Variants in THSD7B observed in about 807,000 individuals in gnomAD.
The protein encoded by THSD7B is thrombospondin type-1 domain-containing protein 7B.
THSD7B carries 138 observed loss-of-function variants against 213.6 expected under a neutral mutation model. That is an observed-to-expected ratio of 0.65 (90% confidence interval 0.56 to 0.74). The LOEUF (loss-of-function observed/expected upper bound fraction) is 0.74. Among genes scored for constraint, THSD7B ranks in the 30% least tolerant of loss-of-function variants. The pLI is 0.00. For missense variants in THSD7B, 1,931 were observed against 1,991.5 expected, an observed-to-expected ratio of 0.97 and a Z score of 0.58; for synonymous variants, 742 against 687.0, an observed-to-expected ratio of 1.08 and a Z score of -1.25.
intron 3 of THSD7B, among the ~76,000 whole-genome samples, chr2:137,069,394 A>C (rs953378052): frequency 1.3e-5 from 2 of 151,998 alleles, no homozygotes; most frequent in Non-Finnish European, 2.9e-5. Flanking sequence ...GACTAGGAAG[A>C]CTGTTTATAT....
At chr2:137,237,221 C>T (rs374055067) in intron 9 of THSD7B, among the ~76,000 whole-genome samples, 2 of 151,738 alleles carry the variant, frequency 1.3e-5, no homozygotes, top group African/African-American at 2.4e-5. Flanking sequence ...AAATGGAATT[C>T]GTTCCCTTTT....
chr2:137,394,091 T>A (rs1446381362), intron 12 of THSD7B, among the ~76,000 whole-genome samples: 3 of 124,174 alleles, frequency 2.4e-5, no homozygotes, highest in African/African-American at 8.8e-5. Context: ...GTTGTGAAAA[T>A]TTTCTCCCAT....
chr2:136,827,478 T>C (rs1416103904), intron 1 of THSD7B, among the ~76,000 whole-genome samples: 1 of 152,142 alleles, frequency 6.6e-6, no homozygotes, highest in East Asian at 1.9e-4. Flanking sequence ...AGCAGTGTCT[T>C]ATTTGAGGAA....
At chr2:137,141,785 C>T (rs1294350507) in intron 5 of THSD7B, among the ~76,000 whole-genome samples, 1 of 151,964 alleles carries the variant, frequency 6.6e-6, no homozygotes, top group Non-Finnish European at 1.5e-5. Flanking sequence ...AGTGATAAAA[C>T]ACTCCTTCCC....
In THSD7B at chr2:137,620,714, T is replaced by C; in HGVS notation, c.3787T>C (p.Cys1263Arg). 1 of 1,613,346 alleles carries C rather than the reference T, an allele frequency of 6.2e-7. No individual in the cohort carries two copies. The highest frequency in any genetic ancestry group is 8.5e-7 in the Non-Finnish European group (1 of 1,179,398). The part of the protein sequence containing the change: ...WTAWTECSQT[C>R]GHGGRMSRTR... ...GGCTTGGACAGAGTGTTCACAGACC[T>C]GTGGCCATGGAGGTATTGGTTTCCC... is the stretch of plus-strand genomic sequence containing the variant. The change falls in exon 20 of 28, where the codon TGT (cysteine) becomes CGT (arginine). Residue 1263 changes from cysteine to arginine, a missense_variant. Coordinates refer to ENST00000409968, the MANE Select transcript of THSD7B (RefSeq NM_001316349.2).
chr2:137,398,413 A>T (rs1295350214), intron 12 of THSD7B, among the ~76,000 whole-genome samples: 2 of 149,272 alleles, frequency 1.3e-5, no homozygotes, highest in East Asian at 4.0e-4. Flanking sequence ...GTCTGTTGGA[A>T]TACCCTGCTG....
At chr2:137,212,200 A>T (rs1426152392) in intron 7 of THSD7B, among the ~76,000 whole-genome samples, 1 of 151,904 alleles carries the variant, frequency 6.6e-6, no homozygotes, top group Non-Finnish European at 1.5e-5. Flanking sequence ...CTTACATTAG[A>T]TTCTGGTCGG....
intron 2 of THSD7B, among the ~76,000 whole-genome samples, chr2:136,897,636 C>T (rs1683984369): frequency 6.6e-6 from 1 of 152,240 alleles, no homozygotes; most frequent in African/African-American, 2.4e-5. Context: ...GCTGCGGGCT[C>T]AGGTGGCCAG....
chr2:137,333,670 G>A (rs529693281), intron 12 of THSD7B, among the ~76,000 whole-genome samples: 1 of 152,274 alleles, frequency 6.6e-6, no homozygotes, highest in African/African-American at 2.4e-5. Context: ...TTTCACTTAC[G>A]AATTTGTGTG....
rs142565845 is a variant in THSD7B at position 137,413,033 on chromosome 2, A to G, written c.2959+1161A>G. Among the ~76,000 whole-genome samples the G allele has an allele frequency of 2.2e-3, 334 of 152,276 alleles. 2 individuals carry two copies. Among genetic ancestry groups the G allele is most frequent in the Middle Eastern group, 0.02 (6 of 294 alleles). On this transcript the variant is annotated intron_variant, in intron 14 of 27. Coordinates refer to ENST00000409968, the MANE Select transcript of THSD7B (RefSeq NM_001316349.2). ...AGAAAATCAAATTCAATTATAATGTACAAGCTAAGTAAATGATAGTTCTTC... is the reference window on the plus strand; with the variant it reads ...AGAAAATCAAATTCAATTATAATGTGCAAGCTAAGTAAATGATAGTTCTTC...
chr2:137,619,592 T>G (rs1043271934), intron 19 of THSD7B, among the ~76,000 whole-genome samples: 6 of 149,160 alleles, frequency 4.0e-5, no homozygotes, highest in Non-Finnish European at 9.0e-5. Flanking sequence ...GGAAAAAAAA[T>G]CATTAATCTA....
intron 1 of THSD7B, among the ~76,000 whole-genome samples, chr2:136,869,054 T>C (rs1293039784): frequency 6.6e-6 from 1 of 152,204 alleles, no homozygotes; most frequent in Non-Finnish European, 1.5e-5. Context: ...TGTTTTTTGA[T>C]ATTATTTCTA....
chr2:137,546,385 A>C (rs1271137041), intron 15 of THSD7B, among the ~76,000 whole-genome samples: 1 of 34,718 alleles, frequency 2.9e-5, no homozygotes, highest in Non-Finnish European at 4.6e-5. Context: ...TAATATATAT[A>C]TTATATATAT....
At chr2:136,836,217 C>T (rs545421958) in intron 1 of THSD7B, among the ~76,000 whole-genome samples, 4 of 152,232 alleles carry the variant, frequency 2.6e-5, no homozygotes, top group South Asian at 2.1e-4. Context: ...GCAATGCAAA[C>T]GTCTTATGGA....
chr2:137,001,349 C>T (rs1035290347), intron 2 of THSD7B, among the ~76,000 whole-genome samples: 21 of 152,096 alleles, frequency 1.4e-4, no homozygotes, highest in African/African-American at 3.6e-4. Flanking sequence ...ACATCTTTTT[C>T]TGTCCTCTCA....
chr2:137,029,643 T>G (rs1431157126), intron 2 of THSD7B, among the ~76,000 whole-genome samples: 1 of 152,174 alleles, frequency 6.6e-6, no homozygotes, highest in Non-Finnish European at 1.5e-5. Context: ...TATCCCAATA[T>G]GTATTACCTC....
chr2:137,150,623 A>AGG (rs1679798455), intron 5 of THSD7B, among the ~76,000 whole-genome samples: 2 of 151,828 alleles, frequency 1.3e-5, no homozygotes, highest in Non-Finnish European at 2.9e-5. Flanking sequence ...GTTAATTATA[A>AGG]CTCTTTTCTT....
At chr2:136,883,928 A>G (rs1394717898) in intron 2 of THSD7B, among the ~76,000 whole-genome samples, 1 of 152,212 alleles carries the variant, frequency 6.6e-6, no homozygotes, top group East Asian at 1.9e-4. Context: ...AGGTAACAAT[A>G]TAATTTTTTC....
At chr2:137,106,216 G>C (rs1688246988) in intron 4 of THSD7B, among the ~76,000 whole-genome samples, 3 of 152,148 alleles carry the variant, frequency 2.0e-5, no homozygotes, top group Non-Finnish European at 4.4e-5. Flanking sequence ...CAATGGAGCA[G>C]AACACAGACC....
Sources: allele counts gnomAD v4.1 joint callset (sites outside exome capture counted in the v4.1 genomes callset), GRCh38; gene constraint gnomAD v4.1.1; transcripts MANE v1.5; gene names NCBI Gene and HGNC (gene_info 2026-07-23, HGNC 2026-07-21).